Variants in RAVER1 observed in about 807,000 individuals in gnomAD.
RAVER1 encodes the protein ribonucleoprotein PTB-binding 1.
In RAVER1, 36 loss-of-function variants were observed where a neutral mutation model predicts 68.4. The observed-to-expected ratio is 0.53, with a 90% confidence interval of 0.40 to 0.70. The LOEUF is 0.70. Among genes scored for constraint, RAVER1 ranks in the 30% least tolerant of loss-of-function variants. The pLI is 0.00. For synonymous variants in RAVER1, 469 were observed against 472.7 expected (o/e 0.99, Z 0.10); for missense variants, 933 against 1,019.8 (o/e 0.91, Z 1.16).
Position 10,318,269 on chromosome 19 carries a change from CTGG to C in RAVER1, c.1946_1948del (p.Thr649del), listed in dbSNP as rs762074312. ...CTGCTTGAGGCCAGCCTGCAGGCCGCTGGTGAAGTAGGAAGTGGGCGAGCCTGA... is the reference window on the plus strand; with the variant it reads ...CTGCTTGAGGCCAGCCTGCAGGCCGCTGAAGTAGGAAGTGGGCGAGCCTGA... On this transcript the variant is annotated inframe_deletion, in exon 11 of 13. Coordinates refer to ENST00000617231, the MANE Select transcript of RAVER1 (RefSeq NM_133452.3). 1 of 1,605,556 alleles carries C rather than the reference CTGG, an allele frequency of 6.2e-7. No individual in the cohort carries two copies. The highest frequency in any genetic ancestry group is 1.1e-5 in the South Asian group (1 of 90,096).
In RAVER1 at chr19:10,318,159, C is replaced by T. The variant is rs1209089174; in HGVS notation, c.1989+70G>A. The T allele has an allele frequency of 5.0e-6, 7 of 1,395,492 alleles. No homozygotes were observed. In the South Asian group the frequency reaches 5.3e-5, roughly 11 times the overall value. 86.4% of individuals were successfully genotyped at this position (1,395,492 alleles called of 1,614,324 possible). A position where few individuals can be genotyped will look rare whatever the true frequency, so the allele number is the denominator to read the frequency against. ...GGCCTGGGCACCGAGGGTTACAGAG[C>T]CCCGGTGGCAGGCACCCCCAAATCC... On this transcript the variant is annotated intron_variant, in intron 11 of 12. Transcript: ENST00000617231.
At chr19:10,320,495 C>A (rs1457290273) in intron 9 of RAVER1, among the ~76,000 whole-genome samples, 160 bp downstream of exon 9, 10 of 147,496 alleles carry the variant, frequency 6.8e-5, no homozygotes, top group African/African-American at 1.0e-4. Flanking sequence ...CAGAGGGAGA[C>A]CCTGTCTCTA....
At position 10,321,610 on chromosome 19, in the gene RAVER1, G is replaced by T; in HGVS notation, c.1182C>A (p.Gly394=). The T allele has an allele frequency of 7.1e-7, 1 of 1,413,690 alleles. No homozygotes were observed. Among genetic ancestry groups the T allele is most frequent in the African/African-American group, 1.5e-5 (1 of 67,172 alleles). The allele number at this position is 1,413,690 out of a possible 1,614,324, so 87.6% of individuals were successfully genotyped here. ...ALQTQGQKKP[G]ILGDSPLGAL... is the part of the protein sequence containing the mutation. ...CGCCCAGGGGTGAGTCTCCCAGGAT[G>T]CCGGGCTTCTAGGGACAGAGCACAG... Residue 394 remains glycine, a synonymous_variant, in exon 7 of 13, where the codon GGC becomes GGA. Coordinates refer to ENST00000617231, the MANE Select transcript of RAVER1 (RefSeq NM_133452.3).
In RAVER1 at chr19:10,322,975, G is replaced by A. The variant is rs1041070245; in HGVS notation, c.1078+170C>T. On this transcript the variant is annotated intron_variant, in intron 5 of 12. Transcript: ENST00000617231. This position sits in a 1 kb window ranked among gnomAD's most constrained non-coding sequence, Gnocchi z 4.3. ...CAGGCTGCTGTGTGGCCCTGGTCCCGGCCCCCAGTTGTGGACAGCAGCAGC... is the reference window on the plus strand; with the variant it reads ...CAGGCTGCTGTGTGGCCCTGGTCCCAGCCCCCAGTTGTGGACAGCAGCAGC... Among the ~76,000 whole-genome samples, 17 of 152,108 alleles carry A rather than the reference G, an allele frequency of 1.1e-4. No individual in the cohort carries two copies. The highest frequency in any genetic ancestry group is 3.4e-4 in the African/African-American group (14 of 41,418).
Position 10,316,540 on chromosome 19 carries a change from G to C in RAVER1, c.*914C>G. 2 of 988,018 alleles carry C rather than the reference G, an allele frequency of 2.0e-6. No homozygotes were observed. The highest frequency in any genetic ancestry group is 2.4e-6 in the Non-Finnish European group (2 of 831,302). The allele number at this position is 988,018 out of a possible 1,614,324, so 61.2% of individuals were successfully genotyped here. On this transcript the variant is annotated 3_prime_UTR_variant, in exon 13 of 13. Coordinates refer to ENST00000617231, the MANE Select transcript of RAVER1 (RefSeq NM_133452.3). ...ACAAGCGAGTGACAGCAGAGGCTCC[G>C]GGAGATGGGCACAATGTCCGACTCC...
chr19:10,331,653 T>G (rs1334574023), intron 1 of RAVER1, among the ~76,000 whole-genome samples: 2 of 119,274 alleles, frequency 1.7e-5, no homozygotes, highest in African/African-American at 3.3e-5. Flanking sequence ...GCCACTGCAC[T>G]CTAGCCTGGC....
Position 10,317,799 on chromosome 19 carries a change from G to A in RAVER1, c.1990-26C>T, listed in dbSNP as rs1279836731. The A allele has an allele frequency of 5.0e-6, 7 of 1,402,144 alleles. No homozygotes were observed. Among genetic ancestry groups the A allele is most frequent in the Non-Finnish European group, 7.0e-6 (7 of 1,006,602 alleles). 86.9% of individuals were successfully genotyped at this position (1,402,144 alleles called of 1,614,324 possible). A position where few individuals can be genotyped will look rare whatever the true frequency, so the allele number is the denominator to read the frequency against. On this transcript the variant is annotated intron_variant, in intron 11 of 12. Transcript: ENST00000617231. The surrounding 1 kb of genome is among the most constrained non-coding windows in gnomAD (Gnocchi z 4.3). Reference sequence around the variant, plus strand: ...CTGGGAGAAATGGAGAGGTGGAACAGGTCACTCCCTGGGGGCCAGAGGAAG... The same window carrying A: ...CTGGGAGAAATGGAGAGGTGGAACAAGTCACTCCCTGGGGGCCAGAGGAAG...
In RAVER1 at chr19:10,333,409, T is replaced by C. The variant is rs1568315055; in HGVS notation, c.99A>G (p.Glu33=). The C allele has an allele frequency of 1.9e-6, 3 of 1,613,732 alleles. No individual in the cohort carries two copies. The highest frequency in any genetic ancestry group is 2.5e-6 in the Non-Finnish European group (3 of 1,179,812). ...CTGGATCTAGAGGCGGCAGCTCTTC[T>C]TCCGGCGCCCGGCGCTCCGCGGCAT... ...AGDAAERRAP[E]EELPPLDPEE... is the part of the protein sequence containing the mutation. Residue 33 remains glutamate (E), a synonymous_variant, in exon 1 of 13, where the codon GAA becomes GAG. Coordinates refer to ENST00000617231, the MANE Select transcript of RAVER1 (RefSeq NM_133452.3). The surrounding 1 kb of genome is among the most constrained non-coding windows in gnomAD (Gnocchi z 4.2).
At position 10,317,891 on chromosome 19, in the gene RAVER1, T is replaced by TCTTG. The variant is rs61443420; in HGVS notation, c.1990-122_1990-119dup. On this transcript the variant is annotated intron_variant, in intron 11 of 12. Coordinates refer to ENST00000617231, the MANE Select transcript of RAVER1 (RefSeq NM_133452.3). This position sits in a 1 kb window ranked among gnomAD's most constrained non-coding sequence, Gnocchi z 4.3. ...GAAAGCGAACAGTTTCAGGTTCAAA[T>TCTTG]CTTGCTTCTGCTACTTTCTAGCTAT... 0.21 allele frequency: 141,527 copies of TCTTG among 689,262 alleles called. 15,852 individuals are homozygous for TCTTG. The highest frequency in any genetic ancestry group is 0.33 in the Admixed American group (12,262 of 37,030). 42.7% of individuals were successfully genotyped at this position (689,262 alleles called of 1,614,324 possible).
At chr19:10,331,078 G>A (rs576545858) in intron 1 of RAVER1, among the ~76,000 whole-genome samples, 4 of 150,762 alleles carry the variant, frequency 2.7e-5, no homozygotes, top group Non-Finnish European at 5.9e-5. Context: ...GGCCGGGCGC[G>A]GTGGCTCACG....
Position 10,322,775 on chromosome 19 carries a change from T to C in RAVER1, c.1079-36A>G. ...ACATAGGAGGATGTGTGGGGGTCCC[T>C]GTGTCCTCCCTGCCCCACCTCACGA... On this transcript the variant is annotated intron_variant, in intron 5 of 12. Transcript: ENST00000617231. This position sits in a 1 kb window ranked among gnomAD's most constrained non-coding sequence, Gnocchi z 4.3. 1 of 1,261,604 alleles carries C rather than the reference T, an allele frequency of 7.9e-7. No individual in the cohort carries two copies. The highest frequency in any genetic ancestry group is 1.1e-6 in the Non-Finnish European group (1 of 946,892). The allele number at this position is 1,261,604 out of a possible 1,614,324, so 78.2% of individuals were successfully genotyped here. A position where few individuals can be genotyped will look rare whatever the true frequency, so the allele number is the denominator to read the frequency against.
At chr19:10,318,158 G>T in intron 11 of RAVER1, 71 bp downstream of exon 11, 2 of 1,379,236 alleles carry the variant, frequency 1.5e-6, no homozygotes, top group Non-Finnish European at 2.0e-6. Flanking sequence ...GGGTTACAGA[G>T]CCCCGGTGGC....
chr19:10,319,044 T>TA, intron 10 of RAVER1, 122 bp downstream of exon 10: 4 of 913,968 alleles, frequency 4.4e-6, no homozygotes, highest in Non-Finnish European at 3.4e-6. Flanking sequence ...GATCCTGTCT[T>TA]AAAAAAACCC....
intron 6 of RAVER1, 131 bp from the exon 7 acceptor site, chr19:10,321,749 G>T: frequency 1.7e-6 from 1 of 578,700 alleles, no homozygotes; most frequent in African/African-American, 1.9e-5. Flanking sequence ...CAGGCACAGG[G>T]TTCCCCAGTG....
In RAVER1 at chr19:10,321,058, G is replaced by A. The variant is rs777922875; in HGVS notation, c.1463C>T (p.Thr488Met). 1.8e-5 allele frequency: 25 copies of A among 1,380,518 alleles called. No individual in the cohort carries two copies. The highest frequency in any genetic ancestry group is 5.9e-5 in the East Asian group (2 of 34,154). The allele number at this position is 1,380,518 out of a possible 1,614,324, so 85.5% of individuals were successfully genotyped here. The change falls in exon 8 of 13, where the codon ACG becomes ATG. Residue 488 changes from threonine (T) to methionine (M), a missense_variant. By Grantham distance (81) the Thr-to-Met change is moderately conservative (BLOSUM62 -1). Around this residue, in one of 3 missense-constraint regions of RAVER1, gnomAD observed 699 missense variants for 731.1 expected, o/e 0.96. Transcript: ENST00000617231. ...GLQKDSGPLP[T>M]PPGVSLLGEP... ...AGGGCAGGGCCTTACCCCAGGGGGC[G>A]TCGGCAGAGGCCCACTGTCTTTCTG...
At chr19:10,320,533 C>CATA (rs1245112587) in intron 9 of RAVER1, 122 bp downstream of exon 9, 4 of 750,404 alleles carry the variant, frequency 5.3e-6, no homozygotes, top group Non-Finnish European at 8.2e-6. Context: ...AAGCAGAGAC[C>CATA]ATATCTGGCA....
Position 10,317,354 on chromosome 19 carries a change from C to T in RAVER1, c.*100G>A, listed in dbSNP as rs769804911. 1.9e-4 allele frequency: 247 copies of T among 1,319,908 alleles called. 1 individual carries two copies. Among genetic ancestry groups the T allele is most frequent in the Admixed American group, 1.6e-3 (86 of 54,528 alleles). 81.8% of individuals were successfully genotyped at this position (1,319,908 alleles called of 1,614,324 possible). ...AGTCTTTCAGAGATTTTTCTATTAC[C>T]GAAAGAGAGAAAATGGTTTAAAAAA... On this transcript the variant is annotated 3_prime_UTR_variant, in exon 13 of 13. Coordinates refer to ENST00000617231, the MANE Select transcript of RAVER1 (RefSeq NM_133452.3). This position sits in a 1 kb window ranked among gnomAD's most constrained non-coding sequence, Gnocchi z 4.3.
rs1402310778 is a variant in RAVER1, at chr19:10,321,167, C to T, written c.1354G>A (p.Ala452Thr). The T allele has an allele frequency of 4.0e-5, 51 of 1,286,952 alleles. No homozygotes were observed. Among genetic ancestry groups the T allele is most frequent in the Non-Finnish European group, 4.8e-5 (49 of 1,014,790 alleles). The allele number at this position is 1,286,952 out of a possible 1,614,324, so 79.7% of individuals were successfully genotyped here. A position where few individuals can be genotyped will look rare whatever the true frequency, so the allele number is the denominator to read the frequency against. The change falls in exon 8 of 13, where the codon GCC becomes ACC. Residue 452 changes from alanine (A) to threonine (T), a missense_variant. Physicochemically the swap from Ala to Thr is moderately conservative, Grantham distance 58. Transcript: ENST00000617231. Reference protein sequence around the residue: ...VLGPAGGDREALGLGPPAAQL... With the variant: ...VLGPAGGDRETLGLGPPAAQL... ...GCCGCTGGGGGACCCAAGCCCAGGG[C>T]CTCCCGGTCACCCCCAGCAGGGCCA...
chr19:10,318,298 A>G lies in RAVER1; in HGVS notation c.1920T>C (p.Tyr640=). 6.2e-7 allele frequency: 1 copy of G among 1,601,152 alleles called. No homozygotes were observed. Among genetic ancestry groups the G allele is most frequent in the South Asian group, 1.1e-5 (1 of 89,282 alleles). Residue 640 remains tyrosine, a synonymous_variant, in exon 11 of 13, where the codon TAT becomes TAC. Coordinates refer to ENST00000617231, the MANE Select transcript of RAVER1 (RefSeq NM_133452.3). The part of the protein sequence containing the change: ...GSGGGPLSHF[Y]SGSPTSYFTS... ...TGAAGTAGGAAGTGGGCGAGCCTGAATAGAAGTGAGACAGGGGGCCCCCGC... is the reference window on the plus strand; with the variant it reads ...TGAAGTAGGAAGTGGGCGAGCCTGAGTAGAAGTGAGACAGGGGGCCCCCGC...
Sources: gnomAD v4.1 joint callset for allele counts (sites outside exome capture counted in the v4.1 genomes callset) on GRCh38, gnomAD v4.1.1 for gene constraint, gnomAD v4.1.1 regional missense constraint, Gnocchi (gnomAD v3.1) non-coding constraint, MANE v1.5 for transcripts, NCBI Gene and HGNC (gene_info 2026-07-23, HGNC 2026-07-21) for gene names.